Variants in GRIK2 observed in about 807,000 individuals in gnomAD.
GRIK2 encodes glutamate ionotropic receptor kainate type subunit 2.
In GRIK2, 32 loss-of-function variants were observed where a neutral mutation model predicts 100.3. The observed-to-expected ratio is 0.32, with a 90% CI of 0.24 to 0.43. GRIK2 has a LOEUF of 0.43. Among genes scored for constraint, GRIK2 ranks in the 20% least tolerant of loss-of-function variants. The pLI is 1.00. For missense variants in GRIK2, 843 were observed against 1,114.9 expected (o/e 0.76, Z 3.47); for synonymous variants, 417 against 389.4 (o/e 1.07, Z -0.83).
intron 12 of GRIK2, among the ~76,000 whole-genome samples, chr6:101,894,178 TA>T (rs1028105040): frequency 1.3e-5 from 2 of 151,658 alleles, no homozygotes; most frequent in African/African-American, 4.8e-5. Flanking sequence ...AAAAGTAGAT[TA>T]TTTTGTCAAT....
In GRIK2 at chr6:101,992,745, TCTAAA is replaced by T. The variant is rs1430659932; in HGVS notation, c.2086-42588_2086-42584del. Among the ~76,000 whole-genome samples the T allele has an allele frequency of 2.6e-5, 4 of 151,518 alleles. No individual in the cohort carries two copies. In the East Asian group the frequency reaches 7.8e-4, roughly 29 times the overall value. Reference sequence around the variant, plus strand: ...AAGAGAGGCACTTGAGTTTGAACTATCTAAACTAAACTTTTAAAAAATCAACAGGA... The same window carrying T: ...AAGAGAGGCACTTGAGTTTGAACTATCTAAACTTTTAAAAAATCAACAGGA... On this transcript the variant is annotated intron_variant, in intron 14 of 16. Coordinates refer to ENST00000369134, the MANE Select transcript of GRIK2 (RefSeq NM_021956.5).
chr6:102,002,457 A>G (rs1391262700), intron 14 of GRIK2, among the ~76,000 whole-genome samples: 1 of 149,294 alleles, frequency 6.7e-6, no homozygotes, highest in African/African-American at 2.4e-5. Flanking sequence ...ATATATAATT[A>G]TATACACATA....
At chr6:101,909,384 T>TG (rs200506567) in intron 12 of GRIK2, among the ~76,000 whole-genome samples, 50 of 138,572 alleles carry the variant, frequency 3.6e-4, no homozygotes, top group East Asian at 3.4e-3. Flanking sequence ...TTCTTTTTCT[T>TG]TTTTTTTTTT....
intron 10 of GRIK2, among the ~76,000 whole-genome samples, chr6:101,819,750 C>A (rs1781841971): frequency 6.6e-6 from 1 of 152,116 alleles, no homozygotes; most frequent in Non-Finnish European, 1.5e-5. Context: ...AGCCACGTAA[C>A]TATTTCTTCT....
intron 7 of GRIK2, among the ~76,000 whole-genome samples, chr6:101,762,931 A>G (rs1471130805): frequency 6.6e-6 from 1 of 152,164 alleles, no homozygotes; most frequent in Admixed American, 6.5e-5. Context: ...TTGTGACTGA[A>G]TCATCAGACT....
rs572026874 is a variant in GRIK2, at chr6:101,596,229, C to CT, written c.116-25708dup. Among the ~76,000 whole-genome samples, 583 of 136,002 alleles carry CT rather than the reference C, an allele frequency of 4.3e-3. 7 individuals are homozygous for CT. Among genetic ancestry groups the CT allele is most frequent in the African/African-American group, 0.012 (453 of 37,354 alleles). 89.2% of individuals were successfully genotyped at this position (136,002 alleles called of 152,430 possible). ...TCCTTTTTTTTTTTCTTGCTGTGTC[C>CT]TTTTTTTTTTTTCCTCTCAGGCAAA... On this transcript the variant is annotated intron_variant, in intron 2 of 16. Transcript: ENST00000369134.
intron 7 of GRIK2, among the ~76,000 whole-genome samples, chr6:101,746,388 A>G (rs919557356): frequency 6.6e-6 from 1 of 152,124 alleles, no homozygotes; most frequent in Admixed American, 6.6e-5. Context: ...GTGCAGTGGC[A>G]TGATCTCGGC....
intron 14 of GRIK2, among the ~76,000 whole-genome samples, chr6:101,949,437 T>C (rs1004513585): frequency 6.6e-6 from 1 of 152,232 alleles, no homozygotes; most frequent in Non-Finnish European, 1.5e-5. Context: ...TACATAGATA[T>C]ACACAGTGGT....
intron 11 of GRIK2, among the ~76,000 whole-genome samples, chr6:101,878,532 A>G (rs909800055): frequency 1.3e-5 from 2 of 152,088 alleles, no homozygotes; most frequent in African/African-American, 2.4e-5. Flanking sequence ...TCTAAACACA[A>G]TATACCTCAC....
At chr6:101,554,189 G>A (rs930279244) in intron 2 of GRIK2, among the ~76,000 whole-genome samples, 4 of 152,232 alleles carry the variant, frequency 2.6e-5, no homozygotes, top group South Asian at 4.1e-4. Flanking sequence ...AAAAGAGCCC[G>A]GTTCTGCAGG....
chr6:101,946,729 C>A (rs1047040918), intron 14 of GRIK2, among the ~76,000 whole-genome samples: 4 of 152,090 alleles, frequency 2.6e-5, no homozygotes, highest in African/African-American at 9.7e-5. Flanking sequence ...GAACTCAATT[C>A]TACTGCTCAA....
At chr6:101,934,800 G>A (rs539376637) in intron 14 of GRIK2, among the ~76,000 whole-genome samples, 2 of 151,992 alleles carry the variant, frequency 1.3e-5, no homozygotes, top group East Asian at 1.9e-4. Flanking sequence ...AAATTGCAAC[G>A]ATAGTGTGCT....
chr6:102,040,178 G>A (rs1269529989), intron 15 of GRIK2, among the ~76,000 whole-genome samples: 2 of 151,324 alleles, frequency 1.3e-5, no homozygotes, highest in African/African-American at 4.8e-5. Flanking sequence ...TAAAGATAAA[G>A]TGGACATATT....
intron 12 of GRIK2, among the ~76,000 whole-genome samples, chr6:101,902,329 T>C (rs1445155142): frequency 6.6e-6 from 1 of 151,976 alleles, no homozygotes; most frequent in Non-Finnish European, 1.5e-5. Context: ...TCGGGTGGAA[T>C]GTATTGACAT....
At chr6:101,889,014 T>A (rs1202608750) in intron 11 of GRIK2, among the ~76,000 whole-genome samples, 1 of 152,094 alleles carries the variant, frequency 6.6e-6, no homozygotes, top group Non-Finnish European at 1.5e-5. Context: ...CATTTCCTAA[T>A]GCGATTTAGG....
chr6:101,533,982 A>G (rs1048683540), intron 2 of GRIK2, among the ~76,000 whole-genome samples: 1 of 151,846 alleles, frequency 6.6e-6, no homozygotes, highest in Non-Finnish European at 1.5e-5. Context: ...TCATACCTTC[A>G]TGCCTCATTG....
chr6:101,727,896 G>A (rs9404130), intron 7 of GRIK2, among the ~76,000 whole-genome samples: 5 of 151,678 alleles, frequency 3.3e-5, no homozygotes, highest in African/African-American at 4.8e-5. Flanking sequence ...ATATATTAGC[G>A]GTGGGAACTG....
intron 2 of GRIK2, among the ~76,000 whole-genome samples, 177 bp from the exon 3 acceptor site, chr6:101,621,772 C>G (rs891480549): frequency 6.6e-5 from 10 of 152,072 alleles, no homozygotes; most frequent in Admixed American, 6.6e-4. Flanking sequence ...AAAGTAAGCA[C>G]ACACCCCATG....
intron 10 of GRIK2, among the ~76,000 whole-genome samples, chr6:101,838,094 A>T (rs2128432554): frequency 6.6e-6 from 1 of 152,280 alleles, no homozygotes; most frequent in Non-Finnish European, 1.5e-5. Context: ...GGACACAGAG[A>T]AGAATATGAA....
Sources: gnomAD v4.1 joint callset for allele counts (sites outside exome capture counted in the v4.1 genomes callset) on GRCh38, gnomAD v4.1.1 for gene constraint, MANE v1.5 for transcripts, NCBI Gene and HGNC (gene_info 2026-07-23, HGNC 2026-07-21) for gene names.